FAM227B: variants seen among roughly 807,000 people sequenced by gnomAD.
FAM227B encodes the protein protein FAM227B.
FAM227B carries 88 observed loss-of-function variants against 73.8 expected under a neutral mutation model. The observed-to-expected ratio is 1.19, with a 90% CI of 1.00 to 1.42. The LOEUF is 1.42. Ranked by LOEUF, FAM227B falls within the 40% of genes most tolerant of loss-of-function variation. The probability of loss-of-function intolerance (pLI) is 0.00; values close to 1 mark genes in which losing one functional copy is unlikely to be tolerated. For missense variants in FAM227B, 632 were observed against 590.9 expected (o/e 1.07, Z -0.72); for synonymous variants, 210 against 190.5 (o/e 1.10, Z -0.84).
intron 11 of FAM227B, among the ~76,000 whole-genome samples, chr15:49,387,778 A>G (rs1403123462): frequency 6.6e-6 from 1 of 151,868 alleles, no homozygotes; most frequent in African/African-American, 2.4e-5. Context: ...CGAATTCAGT[A>G]AAGTCTCAGG....
At chr15:49,522,073 T>C (rs1284560257) in intron 10 of FAM227B, among the ~76,000 whole-genome samples, 2 of 152,052 alleles carry the variant, frequency 1.3e-5, no homozygotes, top group Non-Finnish European at 2.9e-5. Flanking sequence ...TCCTAAGACA[T>C]CCACACTCTC....
At chr15:49,501,494 C>G (rs772719625) in intron 11 of FAM227B, among the ~76,000 whole-genome samples, 8 of 152,152 alleles carry the variant, frequency 5.3e-5, no homozygotes, top group Admixed American at 1.3e-4. Context: ...GAAGAAATTT[C>G]TAGGCAACAG....
chr15:49,505,502 T>A (rs62009985), intron 11 of FAM227B, among the ~76,000 whole-genome samples: 1 of 151,782 alleles, frequency 6.6e-6, no homozygotes, highest in Non-Finnish European at 1.5e-5. Context: ...TATTTGACAA[T>A]AGCAAAAAAG....
chr15:49,439,843 C>A (rs974683119), intron 11 of FAM227B, among the ~76,000 whole-genome samples: 4 of 151,684 alleles, frequency 2.6e-5, no homozygotes, highest in African/African-American at 9.7e-5. Flanking sequence ...GAAACAAAGA[C>A]AACTCCACTC....
rs756434324 is a variant in FAM227B at position 49,541,846 on chromosome 15, T to A, written c.748-40A>T. On this transcript the variant is annotated intron_variant, in intron 9 of 15. Transcript: ENST00000299338. ...TCAAATTAGATTAATTTTATATTTT[T>A]AAATTTTAATATATGTCAGCTGCCA... 8.8e-6 allele frequency: 11 copies of A among 1,250,626 alleles called. No individual in the cohort carries two copies. In the African/African-American group the frequency reaches 1.6e-4, roughly 18 times the overall value. 77.5% of individuals were successfully genotyped at this position (1,250,626 alleles called of 1,614,324 possible).
chr15:49,462,415 T>C (rs1318505954), intron 11 of FAM227B, among the ~76,000 whole-genome samples: 3 of 152,224 alleles, frequency 2.0e-5, no homozygotes, highest in African/African-American at 7.2e-5. Context: ...TTGTACTCAC[T>C]AGAGAGCTGG....
At chr15:49,369,818 A>G (rs1350054353) in intron 12 of FAM227B, among the ~76,000 whole-genome samples, 1 of 152,194 alleles carries the variant, frequency 6.6e-6, no homozygotes, top group African/African-American at 2.4e-5. Flanking sequence ...TTCCTACAGT[A>G]GCTCTCTACA....
chr15:49,567,325 T>TA (rs2074739479), intron 9 of FAM227B, among the ~76,000 whole-genome samples: 1 of 152,152 alleles, frequency 6.6e-6, no homozygotes, highest in South Asian at 2.1e-4. Flanking sequence ...CTTCATGTGA[T>TA]ATACAACCCA....
chr15:49,469,904 G>A (rs991520112), intron 11 of FAM227B, among the ~76,000 whole-genome samples: 1 of 152,078 alleles, frequency 6.6e-6, no homozygotes, highest in African/African-American at 2.4e-5. Context: ...AAAGAGAATG[G>A]AGAAAATGTA....
chr15:49,586,891 G>T (rs1242086654), intron 5 of FAM227B, among the ~76,000 whole-genome samples: 3 of 152,160 alleles, frequency 2.0e-5, no homozygotes, highest in Admixed American at 1.3e-4. Flanking sequence ...AGCTGACGAG[G>T]TTGCAGAGAA....
rs145485585 is a variant in FAM227B, at chr15:49,494,472, A to C, written c.1012+13739T>G. Among the ~76,000 whole-genome samples the C allele has an allele frequency of 1.5e-3, 226 of 152,232 alleles. 1 individual carries two copies. The highest frequency in any genetic ancestry group is 5.1e-3 in the African/African-American group (211 of 41,546). ...TTACAAGACGGACTTTATTAGTGAA[A>C]ACTTTTCCTAACATTTTGCTAGATT... On this transcript the variant is annotated intron_variant, in intron 11 of 15. Transcript: ENST00000299338.
intron 11 of FAM227B, chr15:49,484,783 AT>A (rs2056268717): frequency 3.8e-6 from 1 of 260,840 alleles, no homozygotes; most frequent in Non-Finnish European, 7.2e-6. Flanking sequence ...AGTAACAGTA[AT>A]TTTTTTCTTA....
intron 10 of FAM227B, among the ~76,000 whole-genome samples, chr15:49,528,319 C>CTT (rs2060358251): frequency 1.3e-5 from 2 of 151,912 alleles, no homozygotes; most frequent in South Asian, 4.1e-4. Flanking sequence ...AACTGGACCC[C>CTT]TATCTCTCAT....
chr15:49,363,189 A>G (rs1226542378), intron 13 of FAM227B, among the ~76,000 whole-genome samples: 1 of 152,220 alleles, frequency 6.6e-6, no homozygotes, highest in Non-Finnish European at 1.5e-5. Context: ...TAGGAATAGC[A>G]TTGAATCTGT....
intron 11 of FAM227B, among the ~76,000 whole-genome samples, chr15:49,489,790 A>G (rs1279209309): frequency 2.3e-5 from 2 of 88,116 alleles, no homozygotes; most frequent in Non-Finnish European, 4.7e-5. Context: ...AACAGGAGAT[A>G]TATATATATA....
intron 11 of FAM227B, among the ~76,000 whole-genome samples, chr15:49,478,743 T>C (rs534284607): frequency 6.6e-6 from 1 of 152,276 alleles, no homozygotes; most frequent in South Asian, 2.1e-4. Flanking sequence ...ACTTTAAATA[T>C]AAAGCTTTAA....
At chr15:49,471,098 G>A (rs1419949660) in intron 11 of FAM227B, among the ~76,000 whole-genome samples, 1 of 152,106 alleles carries the variant, frequency 6.6e-6, no homozygotes, top group African/African-American at 2.4e-5. Context: ...GAAAAGATAA[G>A]TACTTTTAAA....
chr15:49,562,969 A>G (rs2074374727), intron 9 of FAM227B, among the ~76,000 whole-genome samples: 1 of 152,128 alleles, frequency 6.6e-6, no homozygotes, highest in African/African-American at 2.4e-5. Flanking sequence ...CACCATTCCT[A>G]TTTAACTAGT....
In FAM227B at chr15:49,557,344, G is replaced by A. The variant is rs546777326; in HGVS notation, c.747+10901C>T. On this transcript the variant is annotated intron_variant, in intron 9 of 15. Transcript: ENST00000299338. ...TAAGAGTTGAAAATCCAGTCAATCT[G>A]ACAATGTTTTGGGAAAAAAACTTAA... Among the ~76,000 whole-genome samples, 4 of 152,100 alleles carry A rather than the reference G, an allele frequency of 2.6e-5. No homozygotes were observed. In the East Asian group the frequency reaches 7.7e-4, roughly 29 times the overall value.
Sources: gnomAD v4.1 joint callset for allele counts (sites outside exome capture counted in the v4.1 genomes callset) on GRCh38, gnomAD v4.1.1 for gene constraint, MANE v1.5 for transcripts, NCBI Gene and HGNC (gene_info 2026-07-23, HGNC 2026-07-21) for gene names.